The following FNIP1 variants were observed in gnomAD, a reference collection of about 807,000 sequenced individuals.
FNIP1 encodes the protein folliculin-interacting protein 1.
A neutral mutation model predicts 124.5 loss-of-function variants in FNIP1; 40 were observed. The ratio of observed to expected loss-of-function variants is 0.32; its 90% confidence interval spans 0.25 to 0.42. The LOEUF (loss-of-function observed/expected upper bound fraction) is 0.42. FNIP1 is among the 10% of genes least tolerant of loss of function. The probability of loss-of-function intolerance (pLI) is 1.00; values close to 1 mark genes in which losing one functional copy is unlikely to be tolerated. For synonymous variants in FNIP1, 472 were observed against 470.6 expected (o/e 1.00, Z -0.04); for missense variants, 1,176 against 1,403.7 (o/e 0.84, Z 2.59).
intron 6 of FNIP1, among the ~76,000 whole-genome samples, chr5:131,712,256 T>C (rs1295659710): frequency 6.6e-6 from 1 of 152,166 alleles, no homozygotes; most frequent in African/African-American, 2.4e-5. Flanking sequence ...AAAACCTCCT[T>C]CTATCAATTA....
intron 3 of FNIP1, 83 bp from the exon 4 acceptor site, chr5:131,719,500 T>G (rs1463052298): frequency 1.8e-5 from 23 of 1,256,448 alleles, no homozygotes; most frequent in Non-Finnish European, 1.1e-5. Flanking sequence ...TAAAAATTCT[T>G]GATATAGTTA....
intron 11 of FNIP1, among the ~76,000 whole-genome samples, chr5:131,681,238 T>TG (rs1458739406): frequency 6.6e-6 from 1 of 152,064 alleles, no homozygotes; most frequent in Non-Finnish European, 1.5e-5. Context: ...CATGGGATTG[T>TG]GGGGGGCGGT....
chr5:131,676,426 G>C (rs934411846), intron 13 of FNIP1, among the ~76,000 whole-genome samples: 14 of 151,960 alleles, frequency 9.2e-5, no homozygotes. Context: ...CAGGATTACA[G>C]GCATGAGCCA....
At chr5:131,759,281 C>T (rs1397961795) in intron 1 of FNIP1, among the ~76,000 whole-genome samples, 4 of 152,008 alleles carry the variant, frequency 2.6e-5, no homozygotes, top group Admixed American at 2.6e-4. Flanking sequence ...AGCTTCTGCA[C>T]AGCAAAGGAA....
chr5:131,735,783 CCCTA>C (rs1055069168), intron 2 of FNIP1, among the ~76,000 whole-genome samples: 4 of 151,280 alleles, frequency 2.6e-5, no homozygotes, highest in Middle Eastern at 3.5e-3. Context: ...GGAAGAAAAA[CCCTA>C]CCTAACAACA....
At chr5:131,783,502 T>C (rs1772065235) in intron 1 of FNIP1, among the ~76,000 whole-genome samples, 1 of 149,922 alleles carries the variant, frequency 6.7e-6, no homozygotes, top group African/African-American at 2.4e-5. Flanking sequence ...AGACTGTCCC[T>C]GGAGGATCTA....
chr5:131,695,499 G>C (rs147308984), intron 11 of FNIP1, among the ~76,000 whole-genome samples: 4 of 152,112 alleles, frequency 2.6e-5, no homozygotes. Context: ...AGCCTGTGCA[G>C]GTCTAGCTCT....
intron 3 of FNIP1, among the ~76,000 whole-genome samples, chr5:131,728,080 C>T (rs1769947574): frequency 6.6e-6 from 1 of 152,164 alleles, no homozygotes; most frequent in East Asian, 1.9e-4. Context: ...TTGTGTATAA[C>T]CCAATGTTTC....
chr5:131,663,879 G>C lies in FNIP1; in HGVS notation c.3108+6584C>G, dbSNP rs960005919. On this transcript the variant is annotated intron_variant, in intron 15 of 17. Coordinates refer to ENST00000510461, the MANE Select transcript of FNIP1 (RefSeq NM_133372.3). ...AAAACAGTTTTATATACAAGGTGTA[G>C]AAGGAAAAAAGAATGTGGTTTTGAT... Among the ~76,000 whole-genome samples, 38 of 152,324 alleles carry C rather than the reference G, an allele frequency of 2.5e-4. No individual in the cohort carries two copies. The East Asian group carries it at 7.1e-3, about 29-fold the overall frequency.
rs111505860 is a variant in FNIP1, at chr5:131,719,534, T to C, written c.355-117A>G. The stretch of plus-strand genomic sequence containing the variant: ...TATTCTACATTAAGAGTTGTACTTC[T>C]ACACTGTATACGCTGTTCTGCAACT... On this transcript the variant is annotated intron_variant, in intron 3 of 17. Coordinates refer to ENST00000510461, the MANE Select transcript of FNIP1 (RefSeq NM_133372.3). 9 of 861,812 alleles carry C rather than the reference T, an allele frequency of 1.0e-5. No individual in the cohort carries two copies. In the South Asian group the frequency reaches 1.4e-4, roughly 14 times the overall value. The allele number at this position is 861,812 out of a possible 1,614,324, so 53.4% of individuals were successfully genotyped here. A position where few individuals can be genotyped will look rare whatever the true frequency, so the allele number is the denominator to read the frequency against.
At chr5:131,705,200 G>A (rs895745206) in intron 9 of FNIP1, among the ~76,000 whole-genome samples, 4 of 152,036 alleles carry the variant, frequency 2.6e-5, no homozygotes, top group Non-Finnish European at 5.9e-5. Context: ...GTCAGATGTG[G>A]TGCCTCATGC....
intron 11 of FNIP1, among the ~76,000 whole-genome samples, chr5:131,689,769 T>C (rs1264673088): frequency 6.6e-6 from 1 of 152,084 alleles, no homozygotes; most frequent in East Asian, 1.9e-4. Flanking sequence ...GTGAAATAAA[T>C]AGAAAACTAT....
At chr5:131,765,241 T>A (rs559802687) in intron 1 of FNIP1, among the ~76,000 whole-genome samples, 2 of 151,982 alleles carry the variant, frequency 1.3e-5, no homozygotes, top group African/African-American at 4.8e-5. Context: ...AAAAAAAGCA[T>A]CATGAAAACT....
chr5:131,785,017 TGATATATATGA>T (rs1222931784), intron 1 of FNIP1, among the ~76,000 whole-genome samples: 25 of 14,192 alleles, frequency 1.8e-3, no homozygotes, highest in African/African-American at 5.0e-3. Flanking sequence ...ACTATATATA[TGATATATATGA>T]CATATATATG....
At chr5:131,758,948 C>CAAAT (rs1771137547) in intron 1 of FNIP1, among the ~76,000 whole-genome samples, 1 of 151,920 alleles carries the variant, frequency 6.6e-6, no homozygotes, top group Non-Finnish European at 1.5e-5. Context: ...AGTACATAGG[C>CAAAT]AAATACACAG....
intron 2 of FNIP1, among the ~76,000 whole-genome samples, chr5:131,735,879 T>C (rs1580797075): frequency 6.6e-6 from 1 of 151,858 alleles, no homozygotes; most frequent in African/African-American, 2.4e-5. Context: ...ATAGTTATAA[T>C]ATCCTAGCTA....
intron 15 of FNIP1, among the ~76,000 whole-genome samples, chr5:131,655,812 A>G (rs1013018791): frequency 6.6e-6 from 1 of 151,746 alleles, no homozygotes; most frequent in Non-Finnish European, 1.5e-5. Flanking sequence ...CAGCTACTCC[A>G]GAGGCTGACG....
chr5:131,660,614 TGAAGGA>T (rs1767398167), intron 15 of FNIP1, among the ~76,000 whole-genome samples: 1 of 152,190 alleles, frequency 6.6e-6, no homozygotes, highest in South Asian at 2.1e-4. Context: ...CTACAAGCTT[TGAAGGA>T]GATGATTTGA....
intron 1 of FNIP1, among the ~76,000 whole-genome samples, chr5:131,763,539 A>G (rs2149573336): frequency 1.3e-5 from 2 of 152,202 alleles, no homozygotes; most frequent in South Asian, 4.1e-4. Flanking sequence ...AAAGGCGAAG[A>G]AGGAGGCACC....
Sources: allele counts gnomAD v4.1 joint callset (sites outside exome capture counted in the v4.1 genomes callset), GRCh38; gene constraint gnomAD v4.1.1; transcripts MANE v1.5; gene names NCBI Gene and HGNC (gene_info 2026-07-23, HGNC 2026-07-21).